The following STK32A variants were observed in gnomAD, a reference collection of about 807,000 sequenced individuals.
The protein encoded by STK32A is serine/threonine kinase 32A, also known as serine/threonine-protein kinase 32A.
Under a neutral mutation model 53.2 loss-of-function variants are expected in STK32A, and 41 were observed. The ratio of observed to expected loss-of-function variants is 0.77; its 90% confidence interval spans 0.60 to 1.00. The LOEUF (loss-of-function observed/expected upper bound fraction) is 1.00. STK32A is among the 50% of genes least tolerant of loss of function. The pLI, the probability that STK32A is intolerant of heterozygous loss-of-function variation, is 0.00. For missense variants in STK32A, 458 were observed against 485.8 expected (o/e 0.94, Z 0.54); for synonymous variants, 166 against 162.8 (o/e 1.02, Z -0.15).
intron 4 of STK32A, among the ~76,000 whole-genome samples, chr5:147,284,293 T>TA (rs1266903966): frequency 6.6e-6 from 1 of 152,102 alleles, no homozygotes; most frequent in East Asian, 1.9e-4. Context: ...AAAAGCCATC[T>TA]ATGACAAACC....
intron 6 of STK32A, among the ~76,000 whole-genome samples, chr5:147,347,496 G>C (rs915487237): frequency 2.6e-5 from 4 of 152,106 alleles, no homozygotes; most frequent in Admixed American, 2.0e-4. Flanking sequence ...TGATTATCAG[G>C]ATTCCAGCCA....
chr5:147,397,575 G>A, the STK32A span: 1 of 1,356,514 alleles, frequency 7.4e-7, no homozygotes, highest in Non-Finnish European at 1.0e-6. Flanking sequence ...AGAGTCTAGA[G>A]ATCACAGTGC....
the STK32A span, chr5:147,401,668 A>G: frequency 6.2e-7 from 1 of 1,614,180 alleles, no homozygotes; most frequent in Non-Finnish European, 8.5e-7. Context: ...CGAGGCTGGC[A>G]GTGATGGGCT....
intron 2 of STK32A, among the ~76,000 whole-genome samples, chr5:147,261,519 T>G (rs1754570249): frequency 6.6e-6 from 1 of 152,054 alleles, no homozygotes; most frequent in Non-Finnish European, 1.5e-5. Flanking sequence ...TCAGACTGAC[T>G]TAGAGTGGAG....
At chr5:147,331,447 C>A (rs1232995456) in intron 5 of STK32A, among the ~76,000 whole-genome samples, 1 of 152,188 alleles carries the variant, frequency 6.6e-6, no homozygotes, top group South Asian at 2.1e-4. Context: ...GGTATAGACG[C>A]TCTTACTTTC....
At chr5:147,389,701 T>C (rs1211449416), downstream of STK32A, among the ~76,000 whole-genome samples, 1 of 152,070 alleles carries the variant, frequency 6.6e-6, no homozygotes, top group Non-Finnish European at 1.5e-5. Context: ...AAACCCTGTC[T>C]CTACTGAAAA....
intron 2 of STK32A, among the ~76,000 whole-genome samples, chr5:147,257,921 C>G (rs1490935123): frequency 3.3e-5 from 5 of 151,924 alleles, no homozygotes; most frequent in Non-Finnish European, 2.9e-5. Context: ...GTCCTTGGTG[C>G]CTTTTTACTG....
rs149820712 is a variant in STK32A at position 147,251,985 on chromosome 5, T to C, written c.52+12299T>C. Among the ~76,000 whole-genome samples the C allele has an allele frequency of 3.2e-4, 48 of 152,158 alleles. 1 individual carries two copies. In the East Asian group the frequency reaches 7.6e-3, roughly 24 times the overall value. On this transcript the variant is annotated intron_variant, in intron 2 of 12. Coordinates refer to ENST00000397936, the MANE Select transcript of STK32A (RefSeq NM_001112724.2). ...TGGGAGGCTGAGGCAGGTGGATCGC[T>C]GGAGCCCAGGAGTTCACAACCAGCC...
At chr5:147,259,908 C>CTCCCCTCTCTCTA (rs1754431915) in intron 2 of STK32A, among the ~76,000 whole-genome samples, 1 of 144,520 alleles carries the variant, frequency 6.9e-6, no homozygotes, top group African/African-American at 2.7e-5. Context: ...TCCTCTCTCT[C>CTCCCCTCTCTCTA]TCTCCCCTCT....
chr5:147,307,304 G>A (rs1014240667), intron 4 of STK32A, among the ~76,000 whole-genome samples: 3 of 151,678 alleles, frequency 2.0e-5, no homozygotes, highest in Non-Finnish European at 4.4e-5. Flanking sequence ...TTTATGCGTA[G>A]TGATTTCTGT....
At chr5:147,259,348 C>T (rs1754388745) in intron 2 of STK32A, among the ~76,000 whole-genome samples, 1 of 152,098 alleles carries the variant, frequency 6.6e-6, no homozygotes, top group Non-Finnish European at 1.5e-5. Flanking sequence ...GTTGCGGCTA[C>T]AGATTGAATG....
At chr5:147,291,753 G>A (rs1752610370) in intron 4 of STK32A, among the ~76,000 whole-genome samples, 1 of 152,070 alleles carries the variant, frequency 6.6e-6, no homozygotes, top group Non-Finnish European at 1.5e-5. Context: ...TTAAAAACAG[G>A]TGTGCTATAA....
intron 7 of STK32A, among the ~76,000 whole-genome samples, chr5:147,360,046 A>G (rs1756424906): frequency 6.6e-6 from 1 of 152,116 alleles, no homozygotes; most frequent in Admixed American, 6.6e-5. Context: ...ATTATTATGA[A>G]TGTTTGCCTC....
intron 4 of STK32A, among the ~76,000 whole-genome samples, chr5:147,294,249 A>G (rs1368704021): frequency 2.0e-5 from 3 of 152,176 alleles, no homozygotes; most frequent in African/African-American, 7.2e-5. Flanking sequence ...AACTTGCTTA[A>G]ACCTTCAGTT....
intron 2 of STK32A, among the ~76,000 whole-genome samples, chr5:147,241,463 A>T (rs887555716): frequency 1.3e-5 from 2 of 151,140 alleles, no homozygotes; most frequent in East Asian, 3.9e-4. Context: ...TGGGCGACAG[A>T]GCGAGACTCC....
chr5:147,364,215 C>CAAAAAAA (rs764357691), intron 8 of STK32A, among the ~76,000 whole-genome samples: 3 of 66,882 alleles, frequency 4.5e-5, no homozygotes, highest in African/African-American at 1.0e-4. Flanking sequence ...AACTCCATCT[C>CAAAAAAA]AAAAAAAAAA....
intron 5 of STK32A, among the ~76,000 whole-genome samples, chr5:147,334,857 G>C (rs770116718): frequency 5.3e-5 from 8 of 152,054 alleles, no homozygotes; most frequent in Non-Finnish European, 1.2e-4. Context: ...CTGTGCACCA[G>C]ATACTACACA....
intron 5 of STK32A, among the ~76,000 whole-genome samples, chr5:147,328,465 A>G (rs573255326): frequency 6.6e-6 from 1 of 152,196 alleles, no homozygotes; most frequent in Non-Finnish European, 1.5e-5. Context: ...TTTCTTTTCT[A>G]TCGTTGTTAA....
At chr5:147,289,773 A>C (rs1228599199) in intron 4 of STK32A, among the ~76,000 whole-genome samples, 2 of 152,114 alleles carry the variant, frequency 1.3e-5, no homozygotes, top group Admixed American at 6.6e-5. Context: ...ACCTTGTAAC[A>C]ATCACTTCTA....
Sources: gnomAD v4.1 joint callset for allele counts (sites outside exome capture counted in the v4.1 genomes callset) on GRCh38, gnomAD v4.1.1 for gene constraint, MANE v1.5 for transcripts, NCBI Gene and HGNC (gene_info 2026-07-23, HGNC 2026-07-21) for gene names.